The following NCK2 variants were observed in gnomAD, a reference collection of about 807,000 sequenced individuals.
NCK2 encodes the protein NCK adaptor protein 2.
Under a neutral mutation model 33.9 loss-of-function variants are expected in NCK2, and 16 were observed. That is an observed-to-expected ratio of 0.47 (90% CI 0.32 to 0.72). The LOEUF is 0.72. Among genes scored for constraint, NCK2 ranks in the 30% least tolerant of loss-of-function variants. NCK2 has a pLI of 0.03. For synonymous variants in NCK2, 273 were observed against 239.9 expected, an observed-to-expected ratio of 1.14 and a Z score of -1.27; for missense variants, 418 against 537.3, an observed-to-expected ratio of 0.78 and a Z score of 2.19.
At chr2:105,802,697 A>C (rs1674888220) in intron 1 of NCK2, among the ~76,000 whole-genome samples, 1 of 152,232 alleles carries the variant, frequency 6.6e-6, no homozygotes. Flanking sequence ...CGCCCTCGCG[A>C]TGCAGACACC....
intron 1 of NCK2, among the ~76,000 whole-genome samples, chr2:105,801,100 C>G (rs1674816854): frequency 6.6e-6 from 1 of 152,234 alleles, no homozygotes; most frequent in Non-Finnish European, 1.5e-5. Context: ...CATTTGTTCT[C>G]TTTGATGCAG....
intron 1 of NCK2, among the ~76,000 whole-genome samples, chr2:105,749,478 A>G (rs1403667695): frequency 6.6e-6 from 1 of 152,214 alleles, no homozygotes; most frequent in Non-Finnish European, 1.5e-5. Flanking sequence ...GTCGAATAAC[A>G]TGGTGCACTT....
chr2:105,840,652 A>G (rs1169909200), intron 2 of NCK2, among the ~76,000 whole-genome samples: 1 of 152,216 alleles, frequency 6.6e-6, no homozygotes, highest in African/African-American at 2.4e-5. Context: ...TTAACCAGTA[A>G]TTCTGGCTAT....
intron 2 of NCK2, among the ~76,000 whole-genome samples, chr2:105,847,733 G>A (rs1558867691): frequency 6.6e-6 from 1 of 151,948 alleles, no homozygotes; most frequent in Non-Finnish European, 1.5e-5. Flanking sequence ...TTCATTGACT[G>A]GTTCTCTAAA....
At chr2:105,786,325 G>A (rs1011328975) in intron 1 of NCK2, among the ~76,000 whole-genome samples, 4 of 152,222 alleles carry the variant, frequency 2.6e-5, no homozygotes, top group Non-Finnish European at 4.4e-5. Flanking sequence ...CTCTGAGCAC[G>A]GACTTGTTCC....
intron 4 of NCK2, among the ~76,000 whole-genome samples, chr2:105,891,353 A>G (rs775686602): frequency 4.6e-5 from 7 of 151,914 alleles, no homozygotes; most frequent in African/African-American, 1.7e-4. Flanking sequence ...AGATTGTCAC[A>G]GAGCATATGT....
intron 1 of NCK2, among the ~76,000 whole-genome samples, chr2:105,803,947 A>T (rs1021951382): frequency 6.6e-6 from 1 of 152,320 alleles, no homozygotes; most frequent in African/African-American, 2.4e-5. Flanking sequence ...TGAGGATACC[A>T]TGTGCCTTGT....
chr2:105,822,089 G>A (rs959895385), intron 2 of NCK2, among the ~76,000 whole-genome samples: 4 of 151,914 alleles, frequency 2.6e-5, no homozygotes, highest in African/African-American at 9.7e-5. Flanking sequence ...ACCCAAAAAA[G>A]CCTTTCTTTC....
chr2:105,889,814 G>A (rs1315223456), intron 4 of NCK2, among the ~76,000 whole-genome samples: 1 of 152,018 alleles, frequency 6.6e-6, no homozygotes, highest in African/African-American at 2.4e-5. Context: ...TCAAAGTCCT[G>A]GCCTCAAGTA....
chr2:105,842,412 A>C (rs1483700793), intron 2 of NCK2, among the ~76,000 whole-genome samples: 1 of 152,140 alleles, frequency 6.6e-6, no homozygotes, highest in Non-Finnish European at 1.5e-5. Flanking sequence ...AAAGTGTAGA[A>C]ATCCTAAACA....
intron 1 of NCK2, among the ~76,000 whole-genome samples, chr2:105,756,152 CAGTT>C (rs1258711456): frequency 1.3e-5 from 2 of 152,210 alleles, no homozygotes; most frequent in Non-Finnish European, 2.9e-5. Flanking sequence ...AGAGAGCTGT[CAGTT>C]AGAAGTTCCC....
chr2:105,770,566 C>A (rs972463216), intron 1 of NCK2, among the ~76,000 whole-genome samples: 3 of 152,120 alleles, frequency 2.0e-5, no homozygotes, highest in Admixed American at 6.5e-5. Context: ...GAATATCTGT[C>A]ATTTTTAGAG....
At chr2:105,762,417 C>T (rs1177206740) in intron 1 of NCK2, among the ~76,000 whole-genome samples, 2 of 152,178 alleles carry the variant, frequency 1.3e-5, no homozygotes, top group African/African-American at 4.8e-5. Context: ...TTCAGTCTGT[C>T]TCTTCTGTAG....
intron 3 of NCK2, among the ~76,000 whole-genome samples, chr2:105,867,545 G>A (rs1479941036): frequency 6.6e-6 from 1 of 152,178 alleles, no homozygotes; most frequent in Non-Finnish European, 1.5e-5. Context: ...GACACGGATT[G>A]TCTAAAAAGA....
intron 4 of NCK2, among the ~76,000 whole-genome samples, chr2:105,891,708 G>A (rs375533115): frequency 6.6e-6 from 1 of 151,814 alleles, no homozygotes; most frequent in East Asian, 1.9e-4. Flanking sequence ...CACCATGCCT[G>A]GCTAATTTTG....
At chr2:105,842,147 G>A (rs754407970) in intron 2 of NCK2, among the ~76,000 whole-genome samples, 2 of 151,728 alleles carry the variant, frequency 1.3e-5, no homozygotes, top group East Asian at 1.9e-4. Context: ...GTGCAATGGC[G>A]CGACCTCGGC....
chr2:105,871,112 G>A (rs778577586), intron 3 of NCK2, among the ~76,000 whole-genome samples: 15 of 152,114 alleles, frequency 9.9e-5, no homozygotes, highest in Non-Finnish European at 2.1e-4. Flanking sequence ...TGAAATCGGG[G>A]TGATGAGACA....
chr2:105,836,812 T>A (rs1053938949), intron 2 of NCK2, among the ~76,000 whole-genome samples: 23 of 152,064 alleles, frequency 1.5e-4, no homozygotes, highest in African/African-American at 5.3e-4. Flanking sequence ...GAGGATGCAC[T>A]CTAGTGTGAA....
intron 1 of NCK2, among the ~76,000 whole-genome samples, chr2:105,778,264 A>G (rs746842801): frequency 5.3e-5 from 8 of 152,140 alleles, no homozygotes; most frequent in Non-Finnish European, 1.2e-4. Flanking sequence ...ATCCCAGCAC[A>G]TGTGGTAGTG....
Sources: gnomAD v4.1 joint callset for allele counts (sites outside exome capture counted in the v4.1 genomes callset) on GRCh38, gnomAD v4.1.1 for gene constraint, MANE v1.5 for transcripts, NCBI Gene and HGNC (gene_info 2026-07-23, HGNC 2026-07-21) for gene names.